ITIH5: variants seen among roughly 807,000 people sequenced by gnomAD.
The protein encoded by ITIH5 is inter-alpha-trypsin inhibitor heavy chain 5.
ITIH5 carries 65 observed loss-of-function variants against 77.5 expected under a neutral mutation model. The ratio of observed to expected loss-of-function variants is 0.84; its 90% CI spans 0.69 to 1.03. The LOEUF is 1.03. ITIH5 is among the 50% of genes least tolerant of loss of function. The pLI, the probability that ITIH5 is intolerant of heterozygous loss-of-function variation, is 0.00. For missense variants in ITIH5, 1,208 were observed against 1,213.1 expected, an observed-to-expected ratio of 1.00 and a Z score of 0.06; for synonymous variants, 525 against 494.3, an observed-to-expected ratio of 1.06 and a Z score of -0.82.
rs369605634 is a variant in ITIH5 at position 7,585,840 on chromosome 10, ACC to A, written c.1108+59_1108+60del. On this transcript the variant is annotated intron_variant, in intron 8 of 13. Coordinates refer to ENST00000397146, the MANE Select transcript of ITIH5 (RefSeq NM_030569.7). ...TATCTCTTGGCAAAAAAAAAAAAAAACCAAAAAAAAAAACATTATTTCAAAGC... is the reference window on the plus strand; with the variant it reads ...TATCTCTTGGCAAAAAAAAAAAAAAAAAAAAAAAAAACATTATTTCAAAGC... 6.5e-4 allele frequency: 868 copies of A among 1,334,168 alleles called. 3 individuals are homozygous for A. Among genetic ancestry groups the A allele is most frequent in the East Asian group, 3.0e-3 (112 of 37,420 alleles). 82.6% of individuals were successfully genotyped at this position (1,334,168 alleles called of 1,614,324 possible).
chr10:7,569,501 G>A (rs994100394), intron 12 of ITIH5, 167 bp downstream of exon 12: 5 of 455,112 alleles, frequency 1.1e-5, no homozygotes, highest in East Asian at 3.3e-5. Context: ...GCAGGGAGTC[G>A]GATGCATAAG....
At chr10:7,627,560 C>T (rs149338325) in intron 5 of ITIH5, among the ~76,000 whole-genome samples, 3,358 of 152,192 alleles carry the variant, frequency 0.022, 59 homozygotes, top group Non-Finnish European at 0.034. Flanking sequence ...AATGACGCTT[C>T]CTCAGTTCTT....
chr10:7,627,980 T>G (rs1833614087), intron 5 of ITIH5, among the ~76,000 whole-genome samples: 2 of 151,912 alleles, frequency 1.3e-5, no homozygotes, highest in Admixed American at 1.3e-4. Context: ...TAGCTGGGAT[T>G]ACAGGCGCCT....
rs1389948832 is a variant in ITIH5 at position 7,560,101 on chromosome 10, C to T, written c.*2982G>A. ...TCCTGACCTCATGATCCACCCTTCT[C>T]GGCCTCCCAAAATGTTGGGATTACA... On this transcript the variant is annotated 3_prime_UTR_variant, in exon 14 of 14. Transcript: ENST00000397146. 5 of 276,944 alleles carry T rather than the reference C, an allele frequency of 1.8e-5. No homozygotes were observed. The highest frequency in any genetic ancestry group is 1.1e-4 in the South Asian group (3 of 26,158). The allele number at this position is 276,944 out of a possible 1,614,324, so 17.2% of individuals were successfully genotyped here.
rs566160367 is a variant in ITIH5 at position 7,655,449 on chromosome 10, GA to G, written c.135+181del. On this transcript the variant is annotated intron_variant, in intron 2 of 13. Transcript: ENST00000397146. The stretch of plus-strand genomic sequence containing the variant: ...TAATCAGGTCTCCTTCCAGAAAAAA[GA>G]AAAAAAAAATCCACTTAAAGAAAGC... Among the ~76,000 whole-genome samples the G allele has an allele frequency of 5.0e-3, 737 of 147,584 alleles. 4 individuals are homozygous for G. The highest frequency in any genetic ancestry group is 0.015 in the African/African-American group (583 of 40,196).
At chr10:7,644,823 T>C (rs998036023) in intron 2 of ITIH5, among the ~76,000 whole-genome samples, 5 of 101,356 alleles carry the variant, frequency 4.9e-5, no homozygotes, top group African/African-American at 2.0e-4. Context: ...ATATATCATA[T>C]ATATCACATA....
chr10:7,629,807 G>T (rs574713731), intron 5 of ITIH5, among the ~76,000 whole-genome samples: 65 of 152,272 alleles, frequency 4.3e-4, no homozygotes, highest in Admixed American at 1.0e-3. Context: ...TTAAGTACCT[G>T]CTTTCAGTTA....
At position 7,563,026 on chromosome 10, in the gene ITIH5, C is replaced by T. The variant is rs1832067741; in HGVS notation, c.*57G>A. Reference sequence around the variant, plus strand: ...TGTACAAGCCATGAAAAGAGCTGCCCCACGGCCTCCCCACATCACTGTCCT... The same window carrying T: ...TGTACAAGCCATGAAAAGAGCTGCCTCACGGCCTCCCCACATCACTGTCCT... On this transcript the variant is annotated 3_prime_UTR_variant, in exon 14 of 14. Transcript: ENST00000397146. 1.3e-6 allele frequency: 2 copies of T among 1,510,666 alleles called. No individual in the cohort carries two copies. Among genetic ancestry groups the T allele is most frequent in the Middle Eastern group, 1.7e-4 (1 of 5,726 alleles). 93.6% of individuals were successfully genotyped at this position (1,510,666 alleles called of 1,614,324 possible).
intron 5 of ITIH5, among the ~76,000 whole-genome samples, chr10:7,631,961 A>AT (rs34105815): frequency 0.027 from 3,815 of 139,478 alleles, 69 homozygotes; most frequent in Non-Finnish European, 0.03. Flanking sequence ...TAATTTTTGT[A>AT]TTTTTTTTTT....
rs2130955951 is a variant in ITIH5, at chr10:7,576,216, A to T, written c.1978+237T>A. Among the ~76,000 whole-genome samples, 5 of 152,210 alleles carry T rather than the reference A, an allele frequency of 3.3e-5. No individual in the cohort carries two copies. In the South Asian group the frequency reaches 1.0e-3, roughly 32 times the overall value. The stretch of plus-strand genomic sequence containing the variant: ...TAATTTTTTTTTCTTTTGTAGAGAC[A>T]GGGTCTCTCTGTGTTGCCCAAGCTG... On this transcript the variant is annotated intron_variant, in intron 10 of 13. Coordinates refer to ENST00000397146, the MANE Select transcript of ITIH5 (RefSeq NM_030569.7).
chr10:7,615,332 A>G (rs965928922), intron 7 of ITIH5, among the ~76,000 whole-genome samples: 1 of 152,246 alleles, frequency 6.6e-6, no homozygotes, highest in African/African-American at 2.4e-5. Flanking sequence ...ATGTAAAGAT[A>G]TTAGCTGGTC....
chr10:7,585,846 AAAAAAAAC>A, intron 8 of ITIH5, 47 bp downstream of exon 8: 1 of 1,487,052 alleles, frequency 6.7e-7, no homozygotes, highest in African/African-American at 1.5e-5. Flanking sequence ...AAAAACCAAA[AAAAAAAAC>A]ATTATTTCAA....
intron 11 of ITIH5, chr10:7,571,263 C>T (rs1017579804): frequency 2.6e-5 from 4 of 152,154 alleles, no homozygotes; most frequent in Non-Finnish European, 4.4e-5. Context: ...CAGGCATGCA[C>T]GCAGTTGTCT....
rs1348194230 is a variant in ITIH5, at chr10:7,576,436, G to A, written c.1978+17C>T. 2.6e-6 allele frequency: 4 copies of A among 1,542,304 alleles called. No homozygotes were observed. The highest frequency in any genetic ancestry group is 2.3e-5 in the East Asian group (1 of 43,062). ...GGCCCGCGTCCCCCACACCTGGCTG[G>A]CACAGGTGCCTCGTACCTGGCTGCG... is the stretch of plus-strand genomic sequence containing the variant. On this transcript the variant is annotated intron_variant, in intron 10 of 13. Transcript: ENST00000397146.
Position 7,637,282 on chromosome 10 carries a change from G to C in ITIH5, c.598C>G (p.Leu200Val). The C allele has an allele frequency of 6.2e-7, 1 of 1,612,392 alleles. No individual in the cohort carries two copies. Among genetic ancestry groups the C allele is most frequent in the South Asian group, 1.1e-5 (1 of 91,072 alleles). The change falls in exon 5 of 14, where the codon CTG becomes GTG. Residue 200 changes from leucine (L) to valine (V), a missense_variant. By Grantham distance (32) the Leu-to-Val change is conservative. Transcript: ENST00000397146. Reference sequence around the variant, plus strand: ...CTGTTGTGAAGCGGCAGCACCTCCAGGGATGCGATGCCCGCGCTCTCCAGG... The same window carrying C: ...CTGTTGTGAAGCGGCAGCACCTCCACGGATGCGATGCCCGCGCTCTCCAGG... The part of the protein sequence containing the change: ...NILESAGIAS[L>V]EVLPLHNSRQ...
At position 7,559,993 on chromosome 10, in the gene ITIH5, AGGCAC is replaced by A. The variant is rs1485906984; in HGVS notation, c.*3085_*3089del. The A allele has an allele frequency of 2.6e-6, 1 of 377,562 alleles. No individual in the cohort carries two copies. The highest frequency in any genetic ancestry group is 7.6e-5 in the East Asian group (1 of 13,124). The allele number at this position is 377,562 out of a possible 1,614,324, so 23.4% of individuals were successfully genotyped here. A position where few individuals can be genotyped will look rare whatever the true frequency, so the allele number is the denominator to read the frequency against. ...CAGCCTCCCAAGTAGCTGGAACTAC[AGGCAC>A]GCACCACCACGCCCAGCTAATTTTT... On this transcript the variant is annotated 3_prime_UTR_variant, in exon 14 of 14. Transcript: ENST00000397146.
chr10:7,570,510 GA>G (rs1215219625), intron 11 of ITIH5: 1 of 152,256 alleles, frequency 6.6e-6, no homozygotes, highest in Non-Finnish European at 1.5e-5. Flanking sequence ...TGTTAAAGGT[GA>G]ACAGCCTTGC....
At chr10:7,598,943 A>G (rs1180987583) in intron 7 of ITIH5, among the ~76,000 whole-genome samples, 2 of 152,226 alleles carry the variant, frequency 1.3e-5, no homozygotes, top group Non-Finnish European at 2.9e-5. Context: ...CTCTAACTTG[A>G]GAAGCGAACT....
chr10:7,658,029 T>G (rs1048462563), intron 1 of ITIH5, among the ~76,000 whole-genome samples: 2 of 152,202 alleles, frequency 1.3e-5, no homozygotes, highest in East Asian at 3.8e-4. Flanking sequence ...CGTAACCTAG[T>G]CTATCCTGAG....
Sources: allele counts gnomAD v4.1 joint callset (sites outside exome capture counted in the v4.1 genomes callset), GRCh38; gene constraint gnomAD v4.1.1; transcripts MANE v1.5; gene names NCBI Gene and HGNC (gene_info 2026-07-23, HGNC 2026-07-21).